TANC1: variants seen among roughly 807,000 people sequenced by gnomAD.
The protein encoded by TANC1 is protein TANC1.
TANC1 carries 77 observed loss-of-function variants against 149.7 expected under a neutral mutation model. The ratio of observed to expected loss-of-function variants is 0.51; its 90% CI spans 0.43 to 0.62. The LOEUF (loss-of-function observed/expected upper bound fraction) is 0.62. TANC1 is among the 20% of genes least tolerant of loss of function. The pLI is 0.00. For missense variants in TANC1, 1,985 were observed against 2,321.8 expected, an observed-to-expected ratio of 0.85 and a Z score of 2.98; for synonymous variants, 854 against 925.0, an observed-to-expected ratio of 0.92 and a Z score of 1.39.
chr2:159,138,228 G>T (rs182925979), intron 5 of TANC1, among the ~76,000 whole-genome samples: 1 of 152,080 alleles, frequency 6.6e-6, no homozygotes, highest in Non-Finnish European at 1.5e-5. Flanking sequence ...TTTCGGTTTC[G>T]CCTGAAATTA....
intron 3 of TANC1, among the ~76,000 whole-genome samples, chr2:159,093,170 C>A (rs762264974): frequency 6.6e-6 from 1 of 152,208 alleles, no homozygotes; most frequent in Non-Finnish European, 1.5e-5. Flanking sequence ...GAGGTTGCAT[C>A]GTCCTACCTG....
intron 5 of TANC1, among the ~76,000 whole-genome samples, chr2:159,143,092 CAAAAA>C (rs139583150): frequency 9.2e-4 from 87 of 94,842 alleles, no homozygotes; most frequent in African/African-American, 2.4e-3. Context: ...CAAAACAAAA[CAAAAA>C]AAAACAAAAA....
At chr2:159,171,876 GAAAAAGA>G (rs1559388529) in intron 10 of TANC1, among the ~76,000 whole-genome samples, 3 of 76,518 alleles carry the variant, frequency 3.9e-5, no homozygotes, top group Non-Finnish European at 6.9e-5. Flanking sequence ...AAAAAAAAAA[GAAAAAGA>G]AAAAAAAAAT....
chr2:159,086,580 G>A (rs2044882904), intron 3 of TANC1, among the ~76,000 whole-genome samples: 1 of 152,114 alleles, frequency 6.6e-6, no homozygotes, highest in Non-Finnish European at 1.5e-5. Flanking sequence ...GAACTTGGCA[G>A]GTGTCCAATG....
At chr2:159,012,972 A>G (rs1302298196) in intron 2 of TANC1, among the ~76,000 whole-genome samples, 5 of 152,166 alleles carry the variant, frequency 3.3e-5, no homozygotes, top group African/African-American at 9.7e-5. Context: ...TAGCCAGGGT[A>G]TATAAATTCT....
Position 159,163,422 on chromosome 2 carries a change from A to G in TANC1, c.822A>G (p.Glu274=), listed in dbSNP as rs369526450. The change falls in exon 8 of 27, where the codon GAA becomes GAG. Residue 274 remains glutamate, a synonymous_variant. Transcript: ENST00000263635. ...RRADNCSPVA[E]EETTGSAEST... ...CAGATAACTGCTCCCCAGTGGCAGA[A>G]GAGGAGACCACCGGGTCAGCAGAGA... 2 of 1,614,186 alleles carry G rather than the reference A, an allele frequency of 1.2e-6. No individual in the cohort carries two copies. The highest frequency in any genetic ancestry group is 1.7e-6 in the Non-Finnish European group (2 of 1,180,032).
chr2:159,019,442 T>G (rs1328475920), intron 2 of TANC1, among the ~76,000 whole-genome samples: 1 of 152,140 alleles, frequency 6.6e-6, no homozygotes, highest in African/African-American at 2.4e-5. Flanking sequence ...GTTGGCAACC[T>G]AATTCAGTTA....
intron 7 of TANC1, among the ~76,000 whole-genome samples, chr2:159,162,131 G>A (rs893196749): frequency 4.6e-5 from 7 of 152,184 alleles, no homozygotes; most frequent in African/African-American, 9.7e-5. Flanking sequence ...CTTCTAAACC[G>A]TAAAGAATAT....
intron 5 of TANC1, 37 bp downstream of exon 5, chr2:159,136,335 A>G: frequency 8.6e-7 from 1 of 1,157,104 alleles, no homozygotes; most frequent in Admixed American, 1.7e-5. Context: ...CCTCTACCAA[A>G]GATTTTATAC....
rs201328512 is a variant in TANC1, at chr2:159,229,789, C to T, written c.4363C>T (p.His1455Tyr). The T allele has an allele frequency of 1.4e-3, 2,311 of 1,614,134 alleles. 4 individuals carry two copies. Among genetic ancestry groups the T allele is most frequent in the Non-Finnish European group, 1.8e-3 (2,125 of 1,180,030 alleles). Residue 1455 changes from histidine (H) to tyrosine (Y), a missense_variant, in exon 27 of 27, where the codon CAC becomes TAC. His to Tyr is a moderately conservative substitution (Grantham distance 83). Coordinates refer to ENST00000263635, the MANE Select transcript of TANC1 (RefSeq NM_033394.3). ...AACCCCTGGCTTAAGTGACCACTTTCACTCTGAGGAGACTGAAGAGGAAGA... is the reference window on the plus strand; with the variant it reads ...AACCCCTGGCTTAAGTGACCACTTTTACTCTGAGGAGACTGAAGAGGAAGA... Reference protein sequence around the residue: ...TPTPGLSDHFHSEETEEEETS... With the variant: ...TPTPGLSDHFYSEETEEEETS...
rs780393558 is a variant in TANC1 at position 159,217,633 on chromosome 2, AC to A, written c.3378+6del. The A allele has an allele frequency of 1.1e-5, 17 of 1,613,746 alleles. No individual in the cohort carries two copies. The highest frequency in any genetic ancestry group is 1.3e-5 in the African/African-American group (1 of 74,924). ...CAGCACGCCAGGGGCATTGGCAGGT[AC>A]CCAGGGGGCCCCTGAATGCTTCAGA... On this transcript the variant is annotated splice_donor_region_variant and intron_variant, in intron 20 of 26. Coordinates refer to ENST00000263635, the MANE Select transcript of TANC1 (RefSeq NM_033394.3).
intron 19 of TANC1, among the ~76,000 whole-genome samples, chr2:159,210,817 C>T (rs773332929): frequency 1.9e-4 from 29 of 152,064 alleles, no homozygotes; most frequent in African/African-American, 4.3e-4. Flanking sequence ...CTGATCTGCA[C>T]GCCTCGGCCT....
chr2:159,066,843 C>T (rs1411856875), intron 3 of TANC1, among the ~76,000 whole-genome samples: 1 of 152,172 alleles, frequency 6.6e-6, no homozygotes, highest in African/African-American at 2.4e-5. Flanking sequence ...GCATTACATT[C>T]CTTGTGCTAA....
intron 4 of TANC1, among the ~76,000 whole-genome samples, chr2:159,104,020 T>G (rs2149970548): frequency 1.0e-5 from 1 of 95,790 alleles, no homozygotes; most frequent in African/African-American, 2.9e-5. Context: ...ACAGCCCCAT[T>G]TCTCCTTGTA....
chr2:159,152,558 T>G (rs2052959592), intron 7 of TANC1, among the ~76,000 whole-genome samples: 1 of 151,726 alleles, frequency 6.6e-6, no homozygotes, highest in Non-Finnish European at 1.5e-5. Context: ...GTGGTGCAAT[T>G]GTAGCTCACT....
intron 24 of TANC1, chr2:159,226,045 C>T (rs774566948): frequency 1.5e-4 from 62 of 423,286 alleles, no homozygotes; most frequent in Non-Finnish European, 2.3e-4. Flanking sequence ...AGCCAGGTGC[C>T]TGTAATCCCA....
chr2:159,093,171 G>A (rs951417539), intron 3 of TANC1, among the ~76,000 whole-genome samples: 1 of 152,198 alleles, frequency 6.6e-6, no homozygotes, highest in Non-Finnish European at 1.5e-5. Flanking sequence ...AGGTTGCATC[G>A]TCCTACCTGG....
At chr2:159,204,908 T>C (rs897278475) in intron 19 of TANC1, among the ~76,000 whole-genome samples, 1 of 152,250 alleles carries the variant, frequency 6.6e-6, no homozygotes, top group Non-Finnish European at 1.5e-5. Context: ...GGCCTCCCTT[T>C]GTGTAGCGCA....
rs1355674430 is a variant in TANC1, at chr2:159,172,195, G to A, written c.1426G>A (p.Ala476Thr). 6.2e-7 allele frequency: 1 copy of A among 1,614,204 alleles called. No individual in the cohort carries two copies. The highest frequency in any genetic ancestry group is 8.5e-7 in the Non-Finnish European group (1 of 1,180,024). The change falls in exon 11 of 27, where the codon GCT becomes ACT. Residue 476 changes from alanine to threonine, a missense_variant. Transcript: ENST00000263635. The part of the protein sequence containing the change: ...PSSSTSASST[A>T]KTPLGSISAE... ...TTCTTCCACAAGTGCTTCCAGCACA[G>A]CTAAAACACCTCTTGGGTCTATCAG...
Sources: gnomAD v4.1 joint callset for allele counts (sites outside exome capture counted in the v4.1 genomes callset) on GRCh38, gnomAD v4.1.1 for gene constraint, MANE v1.5 for transcripts, NCBI Gene and HGNC (gene_info 2026-07-23, HGNC 2026-07-21) for gene names.